PIEZO2: variants seen among roughly 807,000 people sequenced by gnomAD.
PIEZO2 encodes the protein piezo type mechanosensitive ion channel component 2.
PIEZO2 carries 172 observed loss-of-function variants against 337.3 expected under a neutral mutation model. The observed-to-expected ratio is 0.51, with a 90% CI of 0.45 to 0.58. PIEZO2 has a LOEUF of 0.58. Among genes scored for constraint, PIEZO2 ranks in the 20% least tolerant of loss-of-function variants. The probability of loss-of-function intolerance (pLI) is 0.00; values close to 1 mark genes in which losing one functional copy is unlikely to be tolerated. For missense variants in PIEZO2, 3,028 were observed against 3,391.3 expected (o/e 0.89, Z 2.66); for synonymous variants, 1,251 against 1,228.5 (o/e 1.02, Z -0.38).
rs1027938156 is a variant in PIEZO2 at position 10,969,513 on chromosome 18, G to T, written c.286+10022C>A. Among the ~76,000 whole-genome samples the T allele has an allele frequency of 2.6e-5, 4 of 151,584 alleles. No individual in the cohort carries two copies. The highest frequency in any genetic ancestry group is 7.3e-5 in the African/African-American group (3 of 41,212). On this transcript the variant is annotated intron_variant, in intron 3 of 55. Transcript: ENST00000674853. The surrounding 1 kb of genome is among the most constrained non-coding windows in gnomAD (Gnocchi z 4.5). ...CTCCTTTTCTTCTCTTTCCTTCCTT[G>T]CCACTTCTAACTCTAGCTTTCTCAT...
chr18:11,025,138 C>T (rs1044814177), intron 2 of PIEZO2, among the ~76,000 whole-genome samples: 6 of 151,968 alleles, frequency 3.9e-5, no homozygotes, highest in African/African-American at 1.5e-4. Context: ...TCTCTGAGCC[C>T]CTTTACTTCA....
At chr18:11,056,416 G>A (rs192424394) in intron 2 of PIEZO2, among the ~76,000 whole-genome samples, 124 of 152,294 alleles carry the variant, frequency 8.1e-4, no homozygotes, top group African/African-American at 2.8e-3. Flanking sequence ...AGCCTCGAGA[G>A]GAAGTCAGTG....
chr18:10,935,185 T>C (rs545833047), intron 3 of PIEZO2, among the ~76,000 whole-genome samples: 2 of 152,344 alleles, frequency 1.3e-5, no homozygotes, highest in East Asian at 3.9e-4. Context: ...GTAGAATTCC[T>C]GGTTTTCTTC....
At chr18:10,905,713 C>T (rs2043159501) in intron 4 of PIEZO2, among the ~76,000 whole-genome samples, 1 of 151,990 alleles carries the variant, frequency 6.6e-6, no homozygotes, top group African/African-American at 2.4e-5. Flanking sequence ...ATGACACTTC[C>T]AGAAGCTGCT....
At chr18:10,866,812 T>C (rs529235974) in intron 5 of PIEZO2, among the ~76,000 whole-genome samples, 49 of 152,326 alleles carry the variant, frequency 3.2e-4, no homozygotes, top group Non-Finnish European at 6.6e-4. Context: ...CATGACTTCC[T>C]ACAATAAAAA....
Position 11,033,904 on chromosome 18 carries a change from T to C in PIEZO2, c.160+32223A>G, listed in dbSNP as rs1225799202. 6.6e-6 allele frequency among the ~76,000 whole-genome samples: 1 copy of C among 152,146 alleles called. No homozygotes were observed. The highest frequency in any genetic ancestry group is 1.5e-5 in the Non-Finnish European group (1 of 68,026). On this transcript the variant is annotated intron_variant, in intron 2 of 55. Coordinates refer to ENST00000674853, the MANE Select transcript of PIEZO2 (RefSeq NM_001378183.1). This position sits in a 1 kb window ranked among gnomAD's most constrained non-coding sequence, Gnocchi z 4.2. The stretch of plus-strand genomic sequence containing the variant: ...CACCAAAAATATTATCTTCAGACTT[T>C]ACCGGGTTGGTTTATAACTTTAATA...
rs149617553 is a variant in PIEZO2 at position 11,033,061 on chromosome 18, T to C, written c.160+33066A>G. Among the ~76,000 whole-genome samples, 1 of 152,294 alleles carries C rather than the reference T, an allele frequency of 6.6e-6. No individual in the cohort carries two copies. Among genetic ancestry groups the C allele is most frequent in the East Asian group, 1.9e-4 (1 of 5,182 alleles). ...GGTCTGGTGGCACCCAGATAATCCTTTTCTGACTGGTCATATACGGACAAG... is the reference window on the plus strand; with the variant it reads ...GGTCTGGTGGCACCCAGATAATCCTCTTCTGACTGGTCATATACGGACAAG... On this transcript the variant is annotated intron_variant, in intron 2 of 55. Transcript: ENST00000674853. This position sits in a 1 kb window ranked among gnomAD's most constrained non-coding sequence, Gnocchi z 4.2.
intron 2 of PIEZO2, among the ~76,000 whole-genome samples, chr18:11,057,811 G>A (rs1263770202): frequency 1.3e-5 from 2 of 152,198 alleles, no homozygotes; most frequent in African/African-American, 2.4e-5. Flanking sequence ...CCAGTTAAGT[G>A]TACTGAGCCT....
intron 21 of PIEZO2, among the ~76,000 whole-genome samples, chr18:10,764,895 C>T (rs1231783981): frequency 6.6e-6 from 1 of 152,106 alleles, no homozygotes; most frequent in Non-Finnish European, 1.5e-5. Flanking sequence ...CCATAGTCAT[C>T]AACAAGTGTC....
chr18:10,786,978 G>T, intron 16 of PIEZO2, 58 bp downstream of exon 16: 1 of 1,435,850 alleles, frequency 7.0e-7, no homozygotes, highest in Non-Finnish European at 9.4e-7. Flanking sequence ...AAGATGCTTT[G>T]AACAATATGC....
chr18:11,141,355 A>C (rs2040639053), intron 1 of PIEZO2, among the ~76,000 whole-genome samples: 1 of 152,152 alleles, frequency 6.6e-6, no homozygotes, highest in South Asian at 2.1e-4. Flanking sequence ...TTGCCCACTG[A>C]GAAAAGCCCC....
intron 2 of PIEZO2, among the ~76,000 whole-genome samples, chr18:10,984,484 A>G (rs2034792119): frequency 6.6e-6 from 1 of 152,154 alleles, no homozygotes; most frequent in African/African-American, 2.4e-5. Flanking sequence ...AACTTGATCA[A>G]GCAGAATAAC....
chr18:10,796,622 A>C (rs987450249), intron 12 of PIEZO2, among the ~76,000 whole-genome samples: 6 of 152,246 alleles, frequency 3.9e-5, no homozygotes, highest in Non-Finnish European at 7.3e-5. Flanking sequence ...ATTGAAAAGG[A>C]CACAATTTTA....
intron 49 of PIEZO2, among the ~76,000 whole-genome samples, chr18:10,685,887 T>C: frequency 6.6e-6 from 1 of 152,188 alleles, no homozygotes; most frequent in Admixed American, 6.5e-5. Flanking sequence ...GATTGCGCCT[T>C]ACTGGCCTCT....
intron 3 of PIEZO2, among the ~76,000 whole-genome samples, chr18:10,959,985 C>T (rs181664196): frequency 6.6e-6 from 1 of 151,994 alleles, no homozygotes; most frequent in South Asian, 2.1e-4. Flanking sequence ...TGTCAGGGAA[C>T]CTTAAATTTA....
At chr18:11,059,060 G>A (rs1297116766) in intron 2 of PIEZO2, among the ~76,000 whole-genome samples, 16 of 152,252 alleles carry the variant, frequency 1.1e-4, no homozygotes, top group East Asian at 3.9e-4. Context: ...CTGATTTCTC[G>A]GCAGAAACTC....
chr18:10,800,970 C>T (rs2039792090), intron 10 of PIEZO2, among the ~76,000 whole-genome samples: 1 of 152,230 alleles, frequency 6.6e-6, no homozygotes, highest in African/African-American at 2.4e-5. Context: ...GCATCACCCT[C>T]TGGGGATCTC....
intron 16 of PIEZO2, among the ~76,000 whole-genome samples, chr18:10,785,634 A>ACGCCT (rs886338774): frequency 6.6e-6 from 1 of 152,104 alleles, no homozygotes; most frequent in Non-Finnish European, 1.5e-5. Context: ...GAGAAGTCAG[A>ACGCCT]CGCCTCCTGT....
intron 3 of PIEZO2, among the ~76,000 whole-genome samples, chr18:10,921,424 C>T (rs774042997): frequency 6.6e-6 from 1 of 152,118 alleles, no homozygotes; most frequent in African/African-American, 2.4e-5. Flanking sequence ...TCTGTCTTTA[C>T]TGCAGTCTCT....
Sources: allele counts gnomAD v4.1 joint callset (sites outside exome capture counted in the v4.1 genomes callset), GRCh38; gene constraint gnomAD v4.1.1; non-coding constraint Gnocchi (gnomAD v3.1); transcripts MANE v1.5; gene names NCBI Gene and HGNC (gene_info 2026-07-23, HGNC 2026-07-21).